Variants in PLEKHH2 observed in about 807,000 individuals in gnomAD.
The protein encoded by PLEKHH2 is pleckstrin homology, MyTH4 and FERM domain containing H2.
A neutral mutation model predicts 187.9 loss-of-function variants in PLEKHH2; 129 were observed. The observed-to-expected ratio is 0.69, with a 90% CI of 0.59 to 0.79. The LOEUF (loss-of-function observed/expected upper bound fraction) is 0.79, where lower values mean the gene tolerates loss of function less well. Ranked by LOEUF, PLEKHH2 falls within the 30% of genes least tolerant of loss-of-function variation. The pLI is 0.00. For missense variants in PLEKHH2, 2,076 were observed against 1,751.2 expected (o/e 1.19, Z -3.31); for synonymous variants, 686 against 605.6 (o/e 1.13, Z -1.95).
intron 4 of PLEKHH2, 45 bp from the exon 5 acceptor site, chr2:43,694,386 A>G (rs780183215): frequency 1.1e-5 from 17 of 1,514,324 alleles, no homozygotes; most frequent in Non-Finnish European, 1.4e-5. Context: ...TTTCCAGACC[A>G]TTGAGTTTAT....
chr2:43,695,168 G>T lies in PLEKHH2; in HGVS notation c.446G>T (p.Arg149Leu), dbSNP rs190164545. The change falls in exon 6 of 30, where the codon CGT becomes CTT. Residue 149 changes from arginine (R) to leucine (L), a missense_variant. By Grantham distance (102) the Arg-to-Leu change is moderately radical. Coordinates refer to ENST00000282406, the MANE Select transcript of PLEKHH2 (RefSeq NM_172069.4). Reference sequence around the variant, plus strand: ...CTGGAATTGGAGAATCAGAATCTTCGTTTGATCAACCAAAACCAAACTGAA... The same window carrying T: ...CTGGAATTGGAGAATCAGAATCTTCTTTTGATCAACCAAAACCAAACTGAA... ...NELELENQNLRLINQNQTEEI... is the reference protein window; with the variant it reads ...NELELENQNLLLINQNQTEEI... The T allele has an allele frequency of 6.3e-7, 1 of 1,596,884 alleles. No homozygotes were observed.
intron 28 of PLEKHH2, among the ~76,000 whole-genome samples, chr2:43,763,584 T>A (rs1358840833): frequency 6.8e-6 from 1 of 146,008 alleles, no homozygotes; most frequent in Admixed American, 6.8e-5. Flanking sequence ...CATGCCCGGC[T>A]AATTTTTTTT....
In PLEKHH2 at chr2:43,743,879, A is replaced by G; in HGVS notation, c.3445A>G (p.Thr1149Ala). The stretch of plus-strand genomic sequence containing the variant: ...TACCACAGTGGAAGAATTTTTGAAT[A>G]CTTTGAACCAGGACACAGGAATGAG... ...ASTTVEEFLN[T>A]LNQDTGMRKP... The change falls in exon 23 of 30, where the codon ACT becomes GCT. Residue 1149 changes from threonine to alanine, a missense_variant. By Grantham distance (58) the Thr-to-Ala change is moderately conservative (BLOSUM62 0). Transcript: ENST00000282406. 1 of 1,614,052 alleles carries G rather than the reference A, an allele frequency of 6.2e-7. No individual in the cohort carries two copies. Among genetic ancestry groups the G allele is most frequent in the East Asian group, 2.2e-5 (1 of 44,882 alleles).
chr2:43,637,613 C>T (rs1703170129), intron 1 of PLEKHH2, among the ~76,000 whole-genome samples: 1 of 152,138 alleles, frequency 6.6e-6, no homozygotes, highest in African/African-American at 2.4e-5. Flanking sequence ...GAGAGGTGGG[C>T]AGGGGGCGGT....
At chr2:43,757,809 T>C (rs1449939115) in intron 26 of PLEKHH2, among the ~76,000 whole-genome samples, 1 of 152,156 alleles carries the variant, frequency 6.6e-6, no homozygotes, top group Non-Finnish European at 1.5e-5. Context: ...TACTTTTTAA[T>C]TGATCTTTTT....
At chr2:43,739,667 A>G (rs1057222633) in intron 20 of PLEKHH2, among the ~76,000 whole-genome samples, 5 of 152,236 alleles carry the variant, frequency 3.3e-5, no homozygotes, top group African/African-American at 7.2e-5. Flanking sequence ...CTTCATCTGC[A>G]TCAAGAACAC....
chr2:43,650,004 G>T (rs987542775), intron 2 of PLEKHH2, among the ~76,000 whole-genome samples: 3 of 152,040 alleles, frequency 2.0e-5, no homozygotes, highest in African/African-American at 7.3e-5. Context: ...GCTACAGAGG[G>T]TACTTCTGTA....
intron 2 of PLEKHH2, chr2:43,658,555 G>A (rs1194005270): frequency 1.3e-5 from 2 of 152,258 alleles, no homozygotes; most frequent in Non-Finnish European, 2.9e-5. Flanking sequence ...CTGAAGGCTT[G>A]ACTGGAGCTG....
chr2:43,716,023 G>T (rs1670194038), intron 15 of PLEKHH2, among the ~76,000 whole-genome samples: 1 of 152,192 alleles, frequency 6.6e-6, no homozygotes, highest in African/African-American at 2.4e-5. Context: ...GCTCAGAGAA[G>T]AAGGTACGTT....
chr2:43,747,761 C>G (rs1008091135), intron 24 of PLEKHH2, among the ~76,000 whole-genome samples: 2 of 152,130 alleles, frequency 1.3e-5, no homozygotes. Context: ...ATGTCAGACC[C>G]AGAGCCTGGT....
chr2:43,726,083 G>A (rs1171433217), intron 16 of PLEKHH2, among the ~76,000 whole-genome samples, 189 bp from the exon 17 acceptor site: 1 of 146,982 alleles, frequency 6.8e-6, no homozygotes, highest in Non-Finnish European at 1.5e-5. Flanking sequence ...TTGCGCCACT[G>A]CACTCCAGCC....
rs200800933 is a variant in PLEKHH2, at chr2:43,751,927, T to TC, written c.3654-1692_3654-1691insC. 2.9e-3 allele frequency among the ~76,000 whole-genome samples: 368 copies of TC among 128,648 alleles called. 11 individuals are homozygous for TC. In the East Asian group the frequency reaches 0.064, roughly 22 times the overall value. 84.4% of individuals were successfully genotyped at this position (128,648 alleles called of 152,430 possible). On this transcript the variant is annotated intron_variant, in intron 24 of 29. Transcript: ENST00000282406. The stretch of plus-strand genomic sequence containing the variant: ...CCAGTATTGTTTCTCTCTCTCTCTC[T>TC]TTTTTTTTTTTTTTGCTAGTGATAC...
intron 16 of PLEKHH2, among the ~76,000 whole-genome samples, chr2:43,723,646 G>T (rs1670596536): frequency 6.6e-6 from 1 of 152,116 alleles, no homozygotes; most frequent in Non-Finnish European, 1.5e-5. Context: ...AAACGCAGAG[G>T]GTCAGAACAC....
chr2:43,742,250 C>A (rs369361234), intron 21 of PLEKHH2, among the ~76,000 whole-genome samples: 1 of 152,098 alleles, frequency 6.6e-6, no homozygotes, highest in Non-Finnish European at 1.5e-5. Flanking sequence ...GATCTGCCCA[C>A]TTCAGCCTCC....
intron 2 of PLEKHH2, among the ~76,000 whole-genome samples, chr2:43,671,981 G>A (rs987771233): frequency 2.0e-5 from 3 of 152,150 alleles, no homozygotes; most frequent in Non-Finnish European, 4.4e-5. Flanking sequence ...AAGAGTTTTT[G>A]TTGAGTTTCT....
At chr2:43,713,310 G>A (rs1447369157) in intron 15 of PLEKHH2, among the ~76,000 whole-genome samples, 4 of 152,038 alleles carry the variant, frequency 2.6e-5, no homozygotes, top group Admixed American at 6.6e-5. Context: ...AGTTTTGAAA[G>A]CTATTTACTT....
At chr2:43,652,578 A>G (rs1471424988) in intron 2 of PLEKHH2, among the ~76,000 whole-genome samples, 2 of 152,218 alleles carry the variant, frequency 1.3e-5, no homozygotes, top group African/African-American at 2.4e-5. Context: ...CCATGAGTCC[A>G]GGAGGAAAGA....
At chr2:43,647,874 G>T (rs1666258821) in intron 2 of PLEKHH2, among the ~76,000 whole-genome samples, 2 of 152,100 alleles carry the variant, frequency 1.3e-5, no homozygotes, top group African/African-American at 4.8e-5. Flanking sequence ...CTAGTTCTTA[G>T]TTCCATTTTA....
At chr2:43,751,462 A>G (rs192952060) in intron 24 of PLEKHH2, among the ~76,000 whole-genome samples, 2 of 152,342 alleles carry the variant, frequency 1.3e-5, no homozygotes, top group East Asian at 3.9e-4. Context: ...TGAAGAATGA[A>G]TATGGATCCA....
Sources: allele counts gnomAD v4.1 joint callset (sites outside exome capture counted in the v4.1 genomes callset), GRCh38; gene constraint gnomAD v4.1.1; transcripts MANE v1.5; gene names NCBI Gene and HGNC (gene_info 2026-07-23, HGNC 2026-07-21).